Variants in CYP2U1 observed in about 807,000 individuals in gnomAD.
CYP2U1 encodes cytochrome P450 2U1.
In CYP2U1, 28 loss-of-function variants were observed where a neutral mutation model predicts 42.8. That is an observed-to-expected ratio of 0.65 (90% confidence interval 0.48 to 0.90). The LOEUF (loss-of-function observed/expected upper bound fraction) is 0.90, where lower values mean the gene tolerates loss of function less well. Among genes scored for constraint, CYP2U1 ranks in the 40% least tolerant of loss-of-function variants. CYP2U1 has a pLI of 0.00. For missense variants in CYP2U1, 642 were observed against 693.8 expected, an observed-to-expected ratio of 0.93 and a Z score of 0.84; for synonymous variants, 296 against 278.9, an observed-to-expected ratio of 1.06 and a Z score of -0.61.
At chr4:107,941,652 A>T (rs146943020) in intron 1 of CYP2U1, among the ~76,000 whole-genome samples, 1 of 152,084 alleles carries the variant, frequency 6.6e-6, no homozygotes, top group East Asian at 1.9e-4. Context: ...ATGAAAATAC[A>T]TGGAAACAAG....
intron 1 of CYP2U1, among the ~76,000 whole-genome samples, chr4:107,939,273 C>T (rs1183128428): frequency 5.9e-5 from 9 of 152,132 alleles, no homozygotes; most frequent in Non-Finnish European, 1.3e-4. Context: ...CAACACTTGG[C>T]CTCTGAATAC....
intron 1 of CYP2U1, chr4:107,938,011 T>A (rs1733338215): frequency 6.6e-6 from 1 of 152,200 alleles, no homozygotes; most frequent in Admixed American, 6.6e-5. Context: ...TTGGTTTGAG[T>A]TGGATTTTTA....
At chr4:107,934,441 C>CT (rs1344939531) in intron 1 of CYP2U1, among the ~76,000 whole-genome samples, 1 of 151,906 alleles carries the variant, frequency 6.6e-6, no homozygotes, top group African/African-American at 2.4e-5. Context: ...ATTTATTTTT[C>CT]TTTTTTTTCT....
At position 107,935,167 on chromosome 4, in the gene CYP2U1, C is replaced by T. The variant is rs182659669; in HGVS notation, c.490+3034C>T. ...GGAATTAGGTTTTCTTCTTTGAGAT[C>T]TCAACAGTGTAGTTTCCAATTCTTA... On this transcript the variant is annotated intron_variant, in intron 1 of 4. Coordinates refer to ENST00000332884, the MANE Select transcript of CYP2U1 (RefSeq NM_183075.3). Among the ~76,000 whole-genome samples, 743 of 152,182 alleles carry T rather than the reference C, an allele frequency of 4.9e-3. 4 individuals are homozygous for T. Among genetic ancestry groups the T allele is most frequent in the Non-Finnish European group, 8.1e-3 (548 of 68,000 alleles).
In CYP2U1 at chr4:107,953,269, A is replaced by ACAT. The variant is rs1318747854; in HGVS notation, c.*2848_*2850dup. 1 of 152,224 alleles carries ACAT rather than the reference A, an allele frequency of 6.6e-6. No individual in the cohort carries two copies. Among genetic ancestry groups the ACAT allele is most frequent in the African/African-American group, 2.4e-5 (1 of 41,454 alleles). The allele number at this position is 152,224 out of a possible 1,614,324, so 9.4% of individuals were successfully genotyped here. A position where few individuals can be genotyped will look rare whatever the true frequency, so the allele number is the denominator to read the frequency against. On this transcript the variant is annotated 3_prime_UTR_variant, in exon 5 of 5. Coordinates refer to ENST00000332884, the MANE Select transcript of CYP2U1 (RefSeq NM_183075.3). ...TGCCTTAAGCTGTGGCACTTTAAAA[A>ACAT]CATCTTTATATATAAATTGCTAAAA...
At chr4:107,945,753 T>TGAAACTTACCAAAGA in intron 2 of CYP2U1, 148 bp downstream of exon 2, 1 of 1,109,290 alleles carries the variant, frequency 9.0e-7, no homozygotes, top group South Asian at 1.8e-5. Context: ...GTTGGTAAGA[T>TGAAACTTACCAAAGA]GTTAACAGTG....
Position 107,950,867 on chromosome 4 carries a change from G to A in CYP2U1, c.*444G>A, listed in dbSNP as rs981225135. 6.5e-6 allele frequency: 1 copy of A among 153,612 alleles called. No homozygotes were observed. Among genetic ancestry groups the A allele is most frequent in the Non-Finnish European group, 1.4e-5 (1 of 69,022 alleles). 9.5% of individuals were successfully genotyped at this position (153,612 alleles called of 1,614,324 possible). On this transcript the variant is annotated 3_prime_UTR_variant, in exon 5 of 5. Transcript: ENST00000332884. ...GTTAAGTTCTGGAGAAGAACTTCAG[G>A]AGAAGAAGATCTATCAGCTGGCTTT... is the stretch of plus-strand genomic sequence containing the variant.
chr4:107,945,557 T>A lies in CYP2U1; in HGVS notation c.1078T>A (p.Ser360Thr). 6.2e-7 allele frequency: 1 copy of A among 1,609,034 alleles called. No homozygotes were observed. Among genetic ancestry groups the A allele is most frequent in the Non-Finnish European group, 8.5e-7 (1 of 1,176,686 alleles). ...FIAGTDTTTN[S>T]LLWCLLYMSL... The stretch of plus-strand genomic sequence containing the variant: ...TGCTGGGACTGATACCACAACTAAC[T>A]CTTTGCTCTGGTGCCTGCTGTATAT... The change falls in exon 2 of 5, where the codon TCT becomes ACT. Residue 360 changes from serine (S) to threonine (T), a missense_variant. Transcript: ENST00000332884.
chr4:107,947,416 C>T lies in CYP2U1; in HGVS notation c.1167C>T (p.Asn389=), dbSNP rs746008436. ...HEEIERVIGA[N]RAPSLTDKAQ... Reference sequence around the variant, plus strand: ...AAATTGAAAGAGTCATTGGCGCCAACCGAGCTCCTTCCCTCACAGACAAGG... The same window carrying T: ...AAATTGAAAGAGTCATTGGCGCCAATCGAGCTCCTTCCCTCACAGACAAGG... The change falls in exon 3 of 5, where the codon AAC becomes AAT. Residue 389 remains asparagine, a synonymous_variant. Transcript: ENST00000332884. The T allele has an allele frequency of 3.4e-5, 55 of 1,614,022 alleles. No individual in the cohort carries two copies. The highest frequency in any genetic ancestry group is 3.3e-4 in the Middle Eastern group (2 of 6,084).
At position 107,932,112 on chromosome 4, in the gene CYP2U1, TC is replaced by T. The variant is rs768640920; in HGVS notation, c.471del (p.Ile158SerfsTer2). On this transcript the variant is annotated frameshift_variant, in exon 1 of 5. Transcript: ENST00000332884. LOFTEE classifies it high-confidence loss of function. ...CGACCGCCCGCGGGTGCCGCTCATCTCCATCGTGACCAAGGAGAAGGGTGAG... is the reference window on the plus strand; with the variant it reads ...CGACCGCCCGCGGGTGCCGCTCATCTCATCGTGACCAAGGAGAAGGGTGAG... ...FSDRPRVPLI[S>X]IVTKEKGVVF... is the part of the protein sequence containing the mutation. 14 of 1,603,298 alleles carry T rather than the reference TC, an allele frequency of 8.7e-6. No homozygotes were observed. The East Asian group carries it at 3.2e-4, about 36-fold the overall frequency.
In CYP2U1 at chr4:107,945,396, A is replaced by G; in HGVS notation, c.917A>G (p.Gln306Arg). 6.2e-7 allele frequency: 1 copy of G among 1,614,038 alleles called. No individual in the cohort carries two copies. The highest frequency in any genetic ancestry group is 8.5e-7 in the Non-Finnish European group (1 of 1,179,966). ...CTTAAAAAAATCATCAAAGACCATC[A>G]AGAGTCTCTGGATAGAGAGAACCCT... ...SFLKKIIKDH[Q>R]ESLDRENPQD... The change falls in exon 2 of 5, where the codon CAA becomes CGA. Residue 306 changes from glutamine (Q) to arginine (R), a missense_variant. Coordinates refer to ENST00000332884, the MANE Select transcript of CYP2U1 (RefSeq NM_183075.3).
chr4:107,944,852 T>TATATATATATATATATATACATATATATA (rs536313224), intron 1 of CYP2U1, 118 bp from the exon 2 acceptor site: 1 of 98,736 alleles, frequency 1.0e-5, no homozygotes, highest in Admixed American at 1.7e-4. Context: ...ATATATATAT[T>TATATATATATATATATATACATATATATA]TATATGAGGA....
chr4:107,947,614 G>A (rs1733747425), intron 3 of CYP2U1, 77 bp downstream of exon 3: 1 of 1,438,964 alleles, frequency 6.9e-7, no homozygotes. Context: ...GAGGTGAGGG[G>A]TGTGGTGACT....
At position 107,951,530 on chromosome 4, in the gene CYP2U1, A is replaced by G. The variant is rs1289747537; in HGVS notation, c.*1107A>G. ...TAACCCCTTCAGAGGGAGTTTGGAA[A>G]TGTGTGGGTATGATTCTTGGTTATC... On this transcript the variant is annotated 3_prime_UTR_variant, in exon 5 of 5. Coordinates refer to ENST00000332884, the MANE Select transcript of CYP2U1 (RefSeq NM_183075.3). The G allele has an allele frequency of 2.0e-5, 3 of 152,190 alleles. No homozygotes were observed. Among genetic ancestry groups the G allele is most frequent in the Admixed American group, 6.5e-5 (1 of 15,276 alleles). 9.4% of individuals were successfully genotyped at this position (152,190 alleles called of 1,614,324 possible).
chr4:107,950,193 A>T, intron 4 of CYP2U1, 52 bp from the exon 5 acceptor site: 1 of 1,483,084 alleles, frequency 6.7e-7, no homozygotes, highest in Non-Finnish European at 9.1e-7. Flanking sequence ...TTTTTGAAAT[A>T]GGAGAAGGGA....
chr4:107,943,883 A>G (rs1269991324), intron 1 of CYP2U1, among the ~76,000 whole-genome samples: 1 of 152,248 alleles, frequency 6.6e-6, no homozygotes, highest in Non-Finnish European at 1.5e-5. Context: ...ACAGTAAACA[A>G]GGAATATTTG....
Position 107,945,023 on chromosome 4 carries a change from C to G in CYP2U1, c.544C>G (p.His182Asp). The G allele has an allele frequency of 1.2e-6, 2 of 1,613,432 alleles. No homozygotes were observed. Among genetic ancestry groups the G allele is most frequent in the Non-Finnish European group, 1.7e-6 (2 of 1,179,872 alleles). The change falls in exon 2 of 5, where the codon CAT becomes GAT. Residue 182 changes from histidine to aspartate, a missense_variant. Transcript: ENST00000332884. ...CTGGAGACAACAAAGGAAGTTCTCT[C>G]ATTCAACTCTTCGTCATTTTGGGTT... Reference protein sequence around the residue: ...PVWRQQRKFSHSTLRHFGLGK... With the variant: ...PVWRQQRKFSDSTLRHFGLGK...
chr4:107,936,484 T>A (rs1290705277), intron 1 of CYP2U1: 2 of 153,008 alleles, frequency 1.3e-5, no homozygotes, highest in Non-Finnish European at 2.9e-5. Context: ...CATCCTCTCT[T>A]ACCCTTCTGC....
At chr4:107,934,704 T>C (rs1733196328) in intron 1 of CYP2U1, among the ~76,000 whole-genome samples, 1 of 152,214 alleles carries the variant, frequency 6.6e-6, no homozygotes, top group African/African-American at 2.4e-5. Context: ...CTGACCTTCC[T>C]ACTCTAGACA....
Sources: allele counts gnomAD v4.1 joint callset (sites outside exome capture counted in the v4.1 genomes callset), GRCh38; gene constraint gnomAD v4.1.1; transcripts MANE v1.5; gene names NCBI Gene and HGNC (gene_info 2026-07-23, HGNC 2026-07-21).